CFAP299: variants seen among roughly 807,000 people sequenced by gnomAD.
CFAP299 encodes cilia- and flagella-associated protein 299.
CFAP299 carries 21 observed loss-of-function variants against 27.0 expected under a neutral mutation model. The observed-to-expected ratio is 0.78, with a 90% CI of 0.55 to 1.12. The LOEUF (loss-of-function observed/expected upper bound fraction) is 1.12. Ranked by LOEUF, CFAP299 falls within the 50% of genes most tolerant of loss-of-function variation. The probability of loss-of-function intolerance (pLI) is 0.00; values close to 1 mark genes in which losing one functional copy is unlikely to be tolerated. For missense variants in CFAP299, 310 were observed against 276.6 expected (o/e 1.12, Z -0.86); for synonymous variants, 104 against 98.1 (o/e 1.06, Z -0.36).
At chr4:80,452,704 A>G (rs560279723) in intron 2 of CFAP299, among the ~76,000 whole-genome samples, 18 of 152,274 alleles carry the variant, frequency 1.2e-4, no homozygotes, top group African/African-American at 4.3e-4. Context: ...AAATTATTAT[A>G]TTTTACTTGA....
intron 2 of CFAP299, among the ~76,000 whole-genome samples, chr4:80,415,358 T>G (rs571469775): frequency 6.6e-6 from 1 of 152,320 alleles, no homozygotes; most frequent in African/African-American, 2.4e-5. Flanking sequence ...AAAATACTCT[T>G]GTAAACATTT....
At chr4:80,720,228 C>A (rs367668439) in intron 3 of CFAP299, among the ~76,000 whole-genome samples, 1 of 151,982 alleles carries the variant, frequency 6.6e-6, no homozygotes, top group Non-Finnish European at 1.5e-5. Context: ...ATCAGTGATA[C>A]GTAAGAATAA....
In CFAP299 at chr4:80,888,993, T is replaced by C. The variant is rs74349632; in HGVS notation, c.476+18858T>C. Reference sequence around the variant, plus strand: ...AAAGCAGTATTCAGAGGGAAGTTTATACCTATAAGTGCCTAAGCAAAAAAA... The same window carrying C: ...AAAGCAGTATTCAGAGGGAAGTTTACACCTATAAGTGCCTAAGCAAAAAAA... On this transcript the variant is annotated intron_variant, in intron 4 of 5. Transcript: ENST00000358105. Among the ~76,000 whole-genome samples, 407 of 103,352 alleles carry C rather than the reference T, an allele frequency of 3.9e-3. 4 individuals carry two copies. The highest frequency in any genetic ancestry group is 0.015 in the African/African-American group (388 of 25,282). The allele number at this position is 103,352 out of a possible 152,430, so 67.8% of individuals were successfully genotyped here.
chr4:80,347,807 G>A (rs1722813541), intron 1 of CFAP299, among the ~76,000 whole-genome samples: 1 of 152,046 alleles, frequency 6.6e-6, no homozygotes, highest in African/African-American at 2.4e-5. Context: ...GAACCAAAAA[G>A]AGCTCACATA....
Position 80,925,384 on chromosome 4 carries a change from T to G in CFAP299, c.477-19426T>G, listed in dbSNP as rs116630241. ...TGCAACATGATTTACGCTACTACAATGATCTCTGCTATTTAGTCTCCAGTG... is the reference window on the plus strand; with the variant it reads ...TGCAACATGATTTACGCTACTACAAGGATCTCTGCTATTTAGTCTCCAGTG... On this transcript the variant is annotated intron_variant, in intron 4 of 5. Transcript: ENST00000358105. 6.1e-3 allele frequency among the ~76,000 whole-genome samples: 931 copies of G among 152,086 alleles called. 11 individuals are homozygous for G. Among genetic ancestry groups the G allele is most frequent in the African/African-American group, 0.021 (883 of 41,522 alleles).
At chr4:80,958,788 A>G (rs539075521) in intron 5 of CFAP299, among the ~76,000 whole-genome samples, 8 of 152,284 alleles carry the variant, frequency 5.3e-5, no homozygotes, top group Non-Finnish European at 8.8e-5. Context: ...TCATGGTGCA[A>G]TCTGAAAGCT....
intron 3 of CFAP299, among the ~76,000 whole-genome samples, chr4:80,616,999 A>G (rs1452972940): frequency 6.6e-6 from 1 of 152,184 alleles, no homozygotes; most frequent in Non-Finnish European, 1.5e-5. Context: ...TACAACTAAA[A>G]TGAATATAAC....
In CFAP299 at chr4:80,421,851, G is replaced by T. The variant is rs187348857; in HGVS notation, c.242+58967G>T. Among the ~76,000 whole-genome samples the T allele has an allele frequency of 3.7e-4, 57 of 152,082 alleles. 1 individual carries two copies. In the Middle Eastern group the frequency reaches 0.01, roughly 27 times the overall value. On this transcript the variant is annotated intron_variant, in intron 2 of 5. Coordinates refer to ENST00000358105, the MANE Select transcript of CFAP299 (RefSeq NM_152770.3). ...TTCTTTTTCCATTTACTTTCTTCTG[G>T]CATTTCAAAGAATGCCACTATATAT...
intron 3 of CFAP299, among the ~76,000 whole-genome samples, chr4:80,674,809 C>T (rs569061137): frequency 1.3e-5 from 2 of 152,122 alleles, no homozygotes; most frequent in South Asian, 2.1e-4. Context: ...TCAACTTGAT[C>T]GAATCGGCTA....
chr4:80,361,645 T>C (rs1271177729), intron 1 of CFAP299, among the ~76,000 whole-genome samples: 4 of 152,190 alleles, frequency 2.6e-5, no homozygotes, highest in Non-Finnish European at 4.4e-5. Flanking sequence ...TTGTAATCAT[T>C]TGGCAAATGT....
intron 2 of CFAP299, among the ~76,000 whole-genome samples, chr4:80,572,071 A>T (rs182416842): frequency 1.2e-4 from 18 of 152,248 alleles, no homozygotes; most frequent in African/African-American, 4.1e-4. Context: ...TACACAGGGT[A>T]GGTATATATA....
chr4:80,880,757 T>TAAAA (rs200637017), intron 4 of CFAP299, among the ~76,000 whole-genome samples: 5,318 of 149,396 alleles, frequency 0.036, 217 homozygotes, highest in African/African-American at 0.1. Flanking sequence ...TAAAATAAAA[T>TAAAA]TAAATTAAAT....
intron 4 of CFAP299, among the ~76,000 whole-genome samples, chr4:80,935,110 T>C (rs1736823229): frequency 6.6e-6 from 1 of 152,100 alleles, no homozygotes; most frequent in Non-Finnish European, 1.5e-5. Context: ...ATTTAGCTTT[T>C]GGTTTCTTCC....
chr4:80,687,280 A>G lies in CFAP299; in HGVS notation c.333+104097A>G, dbSNP rs150986084. Among the ~76,000 whole-genome samples the G allele has an allele frequency of 2.4e-3, 367 of 152,048 alleles. 1 individual carries two copies. Among genetic ancestry groups the G allele is most frequent in the African/African-American group, 8.4e-3 (348 of 41,474 alleles). ...CACTCCCGTGTCACACCCCAGCTCT[A>G]CCACTCGTGATCTCCTCAGCCTTAG... On this transcript the variant is annotated intron_variant, in intron 3 of 5. Transcript: ENST00000358105.
At chr4:80,422,693 C>A (rs1727346882) in intron 2 of CFAP299, among the ~76,000 whole-genome samples, 1 of 152,038 alleles carries the variant, frequency 6.6e-6, no homozygotes. Context: ...AGTAGATGAT[C>A]AATATGTTTG....
At chr4:80,640,195 G>A (rs1366140038) in intron 3 of CFAP299, among the ~76,000 whole-genome samples, 1 of 152,160 alleles carries the variant, frequency 6.6e-6, no homozygotes, top group African/African-American at 2.4e-5. Context: ...TGGTGTGACT[G>A]CCCAGGAGTT....
chr4:80,581,463 T>TATATATATATATATATATATAC (rs1736166987), intron 2 of CFAP299, among the ~76,000 whole-genome samples: 1 of 130,140 alleles, frequency 7.7e-6, no homozygotes, highest in South Asian at 2.6e-4. Context: ...GATATATATA[T>TATATATATATATATATATATAC]ATATATATAT....
chr4:80,693,918 A>G (rs1422976567), intron 3 of CFAP299, among the ~76,000 whole-genome samples: 1 of 152,044 alleles, frequency 6.6e-6, no homozygotes, highest in Non-Finnish European at 1.5e-5. Context: ...TATTCATTAA[A>G]CTCAGTAGAT....
chr4:80,942,232 T>C (rs369896213), intron 4 of CFAP299, among the ~76,000 whole-genome samples: 28 of 152,314 alleles, frequency 1.8e-4, no homozygotes, highest in African/African-American at 5.8e-4. Context: ...TCATATATGC[T>C]ACAGAGCTTC....
Sources: allele counts gnomAD v4.1 joint callset (sites outside exome capture counted in the v4.1 genomes callset), GRCh38; gene constraint gnomAD v4.1.1; transcripts MANE v1.5; gene names NCBI Gene and HGNC (gene_info 2026-07-23, HGNC 2026-07-21).